ZNF610: variants seen among roughly 807,000 people sequenced by gnomAD.
ZNF610 encodes zink finger protein.
A neutral mutation model predicts 14.1 loss-of-function variants in ZNF610; 14 were observed. The observed-to-expected ratio is 0.99, with a 90% CI of 0.65 to 1.55. The LOEUF (loss-of-function observed/expected upper bound fraction) is 1.55. Ranked by LOEUF, ZNF610 falls within the 40% of genes most tolerant of loss-of-function variation. ZNF610 has a pLI of 0.00. For synonymous variants in ZNF610, 185 were observed against 187.6 expected, an observed-to-expected ratio of 0.99 and a Z score of 0.11; for missense variants, 530 against 558.0, an observed-to-expected ratio of 0.95 and a Z score of 0.51.
chr19:52,342,563 G>A (rs983118515), intron 1 of ZNF610, among the ~76,000 whole-genome samples: 22 of 145,836 alleles, frequency 1.5e-4, no homozygotes, highest in Non-Finnish European at 2.2e-4. Flanking sequence ...TCTGTCACCC[G>A]GGCTGGAGTG....
chr19:52,361,623 A>T (rs374988794), intron 5 of ZNF610, among the ~76,000 whole-genome samples: 46 of 122,304 alleles, frequency 3.8e-4, no homozygotes, highest in Non-Finnish European at 7.5e-4. Context: ...ATTTTAATTT[A>T]AAAATTTTTT....
chr19:52,354,370 G>A lies in ZNF610; in HGVS notation c.310G>A (p.Val104Met), dbSNP rs3815905. ...AGATGGAAGGGAATGTGTCAGAAGC[G>A]TGAACACAGGTAAGAGCTCTGATGG... ...NTDGRECVRSVNTGRSCVLGS... is the reference protein window; with the variant it reads ...NTDGRECVRSMNTGRSCVLGS... Residue 104 changes from valine (V) to methionine (M), a missense_variant, in exon 5 of 6, where the codon GTG becomes ATG. Transcript: ENST00000403906. The A allele has an allele frequency of 2.4e-3, 3,923 of 1,613,976 alleles. 80 individuals are homozygous for A. The East Asian group carries it at 0.051, about 21-fold the overall frequency.
rs545273935 is a variant in ZNF610, at chr19:52,359,705, G to T, written c.319+5326G>T. ...AGTTTTTTCCCACACATCAAGCAAC[G>T]GACAAGAGCTGGGTTTCCTACAGTT... On this transcript the variant is annotated intron_variant, in intron 5 of 5. Transcript: ENST00000403906. 2.6e-5 allele frequency among the ~76,000 whole-genome samples: 4 copies of T among 152,186 alleles called. No homozygotes were observed. In the East Asian group the frequency reaches 7.7e-4, roughly 29 times the overall value.
rs183046251 is a variant in ZNF610 at position 52,359,350 on chromosome 19, C to T, written c.319+4971C>T. Reference sequence around the variant, plus strand: ...ATTTCTGTGTACAAATTTTTCCCGTCCTTGTTAAGCTTATTCCCTCCATAT... The same window carrying T: ...ATTTCTGTGTACAAATTTTTCCCGTTCTTGTTAAGCTTATTCCCTCCATAT... On this transcript the variant is annotated intron_variant, in intron 5 of 5. Transcript: ENST00000403906. Among the ~76,000 whole-genome samples, 8 of 152,206 alleles carry T rather than the reference C, an allele frequency of 5.3e-5. No homozygotes were observed. In the East Asian group the frequency reaches 1.5e-3, roughly 29 times the overall value.
At position 52,348,294 on chromosome 19, in the gene ZNF610, ATAATGGATTATTTT is replaced by A. The variant is rs1282905175; in HGVS notation, c.-20+361_-20+374del. 2.0e-5 allele frequency: 3 copies of A among 152,360 alleles called. No individual in the cohort carries two copies. In the East Asian group the frequency reaches 5.8e-4, roughly 29 times the overall value. The allele number at this position is 152,360 out of a possible 1,614,324, so 9.4% of individuals were successfully genotyped here. On this transcript the variant is annotated intron_variant, in intron 2 of 5. Coordinates refer to ENST00000403906, the MANE Select transcript of ZNF610 (RefSeq NM_001161425.2). ...ACTTTAAATCATCTCTTGATTACTT[ATAATGGATTATTTT>A]TAATGGATTAATGAAATTTATAAAT...
At chr19:52,358,699 T>C (rs1261954303) in intron 5 of ZNF610, among the ~76,000 whole-genome samples, 1 of 152,230 alleles carries the variant, frequency 6.6e-6, no homozygotes, top group Non-Finnish European at 1.5e-5. Flanking sequence ...TCTTGTGTTA[T>C]CAGTGTTCTA....
intron 1 of ZNF610, among the ~76,000 whole-genome samples, chr19:52,344,306 T>C (rs1984831246): frequency 7.9e-6 from 1 of 127,174 alleles, no homozygotes; most frequent in Non-Finnish European, 1.7e-5. Flanking sequence ...TAGTACCTTC[T>C]TAGGATTCTG....
At chr19:52,337,638 G>A (rs1453582967) in intron 1 of ZNF610, among the ~76,000 whole-genome samples, 2 of 151,652 alleles carry the variant, frequency 1.3e-5, no homozygotes, top group Non-Finnish European at 2.9e-5. Flanking sequence ...AATGAGGGAG[G>A]GAAACATACT....
chr19:52,349,729 C>G (rs1201112510), intron 3 of ZNF610, among the ~76,000 whole-genome samples: 1 of 152,026 alleles, frequency 6.6e-6, no homozygotes, highest in Non-Finnish European at 1.5e-5. Flanking sequence ...GCCACCACGC[C>G]CAGCTAATTT....
chr19:52,339,355 A>T (rs1984554170), intron 1 of ZNF610, among the ~76,000 whole-genome samples: 1 of 151,580 alleles, frequency 6.6e-6, no homozygotes, highest in South Asian at 2.1e-4. Context: ...TTCCCTTCCC[A>T]TGAGGCCATA....
Position 52,354,248 on chromosome 19 carries a change from C to T in ZNF610, c.191-3C>T. ...CATCTTGTTTCTTTCTTTTTATTAA[C>T]AGGAATCTGTCTTCCTGACCTAAGT... On this transcript the variant is annotated splice_region_variant and splice_polypyrimidine_tract_variant and intron_variant, in intron 4 of 5. Transcript: ENST00000403906. 6.2e-7 allele frequency: 1 copy of T among 1,613,112 alleles called. No individual in the cohort carries two copies. The highest frequency in any genetic ancestry group is 8.5e-7 in the Non-Finnish European group (1 of 1,179,724).
At chr19:52,330,646 CAG>C in the ZNF610 span, among the ~76,000 whole-genome samples, 9 of 152,262 alleles carry the variant, frequency 5.9e-5, no homozygotes, top group South Asian at 8.3e-4. Flanking sequence ...TGGAAGCAGA[CAG>C]GGGCTCAGGT....
chr19:52,339,441 A>G (rs922654430), intron 1 of ZNF610, among the ~76,000 whole-genome samples: 11 of 146,318 alleles, frequency 7.5e-5, no homozygotes, highest in Admixed American at 6.7e-4. Flanking sequence ...GGCCTTCCAC[A>G]GTGTATTGTG....
intron 5 of ZNF610, among the ~76,000 whole-genome samples, chr19:52,356,669 G>T (rs1412224852): frequency 6.6e-6 from 1 of 152,066 alleles, no homozygotes; most frequent in Admixed American, 6.5e-5. Context: ...TGTTGTACGT[G>T]ACTTAGTAGC....
In ZNF610 at chr19:52,366,088, G is replaced by A. The variant is rs1427153970; in HGVS notation, c.710G>A (p.Cys237Tyr). The change falls in exon 6 of 6, where the codon TGT becomes TAT. Residue 237 changes from cysteine to tyrosine, a missense_variant. By Grantham distance (194) the Cys-to-Tyr change is radical. Transcript: ENST00000403906. ...TAEKPYKCTE[C>Y]GKVFSRNSHL... ...GAGAAACCTTACAAATGTACTGAAT[G>A]TGGCAAGGTCTTCAGTCGCAATTCA... 4 of 1,614,102 alleles carry A rather than the reference G, an allele frequency of 2.5e-6. No homozygotes were observed. Among genetic ancestry groups the A allele is most frequent in the Non-Finnish European group, 3.4e-6 (4 of 1,180,000 alleles).
intron 5 of ZNF610, among the ~76,000 whole-genome samples, chr19:52,358,342 C>T (rs1484845696): frequency 6.6e-6 from 1 of 152,150 alleles, no homozygotes; most frequent in African/African-American, 2.4e-5. Context: ...CGCCACCATG[C>T]CCAGCTAATT....
At chr19:52,360,015 T>C (rs1401865435) in intron 5 of ZNF610, among the ~76,000 whole-genome samples, 1 of 151,996 alleles carries the variant, frequency 6.6e-6, no homozygotes, top group African/African-American at 2.4e-5. Flanking sequence ...GGGGAAGGGG[T>C]GTGGAGCTTC....
At chr19:52,342,051 C>T in intron 1 of ZNF610, among the ~76,000 whole-genome samples, 1 of 151,980 alleles carries the variant, frequency 6.6e-6, no homozygotes, top group East Asian at 1.9e-4. Context: ...TCAAGCGATT[C>T]TCCCATCTCA....
intron 5 of ZNF610, among the ~76,000 whole-genome samples, chr19:52,364,676 C>G (rs1464418144): frequency 6.6e-6 from 1 of 152,164 alleles, no homozygotes; most frequent in Non-Finnish European, 1.5e-5. Flanking sequence ...ATGTGAGGTT[C>G]AAGTGATTCT....
Sources: allele counts gnomAD v4.1 joint callset (sites outside exome capture counted in the v4.1 genomes callset), GRCh38; gene constraint gnomAD v4.1.1; transcripts MANE v1.5; gene names NCBI Gene and HGNC (gene_info 2026-07-23, HGNC 2026-07-21).